Variants in AP2B1 observed in about 807,000 individuals in gnomAD.
AP2B1 encodes the protein adaptor related protein complex 2 subunit beta 1, also known as AP-2 complex subunit beta.
Under a neutral mutation model 102.0 loss-of-function variants are expected in AP2B1, and 23 were observed. That is an observed-to-expected ratio of 0.23 (90% CI 0.16 to 0.32). AP2B1 has a LOEUF of 0.32. AP2B1 is among the 10% of genes least tolerant of loss of function. AP2B1 has a pLI of 1.00. For synonymous variants in AP2B1, 381 were observed against 421.2 expected (o/e 0.90, Z 1.17); for missense variants, 541 against 1,157.4 (o/e 0.47, Z 7.73).
chr17:35,596,131 T>G (rs1227608116), intron 2 of AP2B1, among the ~76,000 whole-genome samples: 1 of 152,170 alleles, frequency 6.6e-6, no homozygotes, highest in African/African-American at 2.4e-5. Flanking sequence ...TTCTTTAAAT[T>G]TATGCTTTTG....
chr17:35,639,649 A>G lies in AP2B1; in HGVS notation c.1326A>G (p.Pro442=), dbSNP rs1213252376. 9.9e-6 allele frequency: 16 copies of G among 1,613,888 alleles called. No individual in the cohort carries two copies. Among genetic ancestry groups the G allele is most frequent in the South Asian group, 4.4e-5 (4 of 91,084 alleles). The change falls in exon 11 of 22, where the codon CCA becomes CCG. Residue 442 remains proline (P), a synonymous_variant. Transcript: ENST00000610402. The part of the protein sequence containing the change: ...LCENLDSLDE[P]DARAAMIWIV... ...AGAACTTAGACTCGCTGGATGAGCC[A>G]GATGCTCGAGCAGCTATGATTTGGA...
At chr17:35,602,596 A>G (rs1296390204) in intron 3 of AP2B1, among the ~76,000 whole-genome samples, 1 of 152,254 alleles carries the variant, frequency 6.6e-6, no homozygotes, top group Non-Finnish European at 1.5e-5. Flanking sequence ...TATCTAAAAT[A>G]TCCTTTCAGT....
chr17:35,595,419 C>G (rs1310123268), intron 2 of AP2B1, among the ~76,000 whole-genome samples: 1 of 151,950 alleles, frequency 6.6e-6, no homozygotes, highest in African/African-American at 2.4e-5. Flanking sequence ...CGGTGGTGCA[C>G]ACCTGTAGTC....
rs1568063028 is a variant in AP2B1, at chr17:35,720,548, TATA to T, written c.2782-3076_2782-3074del. Among the ~76,000 whole-genome samples, 121 of 46,350 alleles carry T rather than the reference TATA, an allele frequency of 2.6e-3. 2 individuals carry two copies. The highest frequency in any genetic ancestry group is 4.2e-3 in the South Asian group (4 of 960). 30.4% of individuals were successfully genotyped at this position (46,350 alleles called of 152,430 possible). A position where few individuals can be genotyped will look rare whatever the true frequency, so the allele number is the denominator to read the frequency against. On this transcript the variant is annotated intron_variant, in intron 21 of 21. Coordinates refer to ENST00000610402, the MANE Select transcript of AP2B1 (RefSeq NM_001030006.2). ...GTCCCATATATTTTTATTTTATTTA[TATA>T]TATATATATATATATATATATATTT...
Position 35,686,260 on chromosome 17 carries a change from C to T in AP2B1, c.2454+3436C>T, listed in dbSNP as rs587705120. Among the ~76,000 whole-genome samples, 11 of 152,272 alleles carry T rather than the reference C, an allele frequency of 7.2e-5. No individual in the cohort carries two copies. The East Asian group carries it at 2.1e-3, about 29-fold the overall frequency. ...GCCTTTCTTGAGTTTATTTATATCA[C>T]GTAATTATATTCCTTAAAAAGAGAA... On this transcript the variant is annotated intron_variant, in intron 18 of 21. Transcript: ENST00000610402.
At chr17:35,603,793 A>G (rs2073568221) in intron 3 of AP2B1, among the ~76,000 whole-genome samples, 3 of 152,210 alleles carry the variant, frequency 2.0e-5, no homozygotes, top group African/African-American at 7.2e-5. Context: ...GTAGATGGAT[A>G]TGAAGAATTA....
At chr17:35,624,321 A>G (rs988651328) in intron 5 of AP2B1, 76 bp from the exon 6 acceptor site, 1 of 1,354,176 alleles carries the variant, frequency 7.4e-7, no homozygotes, top group Non-Finnish European at 1.0e-6. Context: ...GAAATGACCC[A>G]GAGAAGGCTG....
intron 18 of AP2B1, among the ~76,000 whole-genome samples, chr17:35,688,406 C>T (rs1449480265): frequency 6.6e-6 from 1 of 152,160 alleles, no homozygotes; most frequent in Non-Finnish European, 1.5e-5. Context: ...ACTTTGTCCC[C>T]AGTGTTTTAA....
intron 14 of AP2B1, 112 bp downstream of exon 14, chr17:35,657,903 G>A (rs2075269332): frequency 5.5e-6 from 5 of 909,860 alleles, no homozygotes; most frequent in African/African-American, 1.7e-5. Context: ...GAGCAGTAGT[G>A]TCCTTTGATA....
chr17:35,703,302 CACTCG>C (rs201911700), intron 18 of AP2B1, among the ~76,000 whole-genome samples: 13,216 of 149,708 alleles, frequency 0.088, 644 homozygotes, highest in Middle Eastern at 0.14. Context: ...ATGGAAATAC[CACTCG>C]ACTCAGCAAT....
At chr17:35,607,051 A>G (rs1020538073) in intron 4 of AP2B1, among the ~76,000 whole-genome samples, 1 of 152,028 alleles carries the variant, frequency 6.6e-6, no homozygotes, top group African/African-American at 2.4e-5. Context: ...GATTACAGGC[A>G]TGCACCACCA....
intron 14 of AP2B1, among the ~76,000 whole-genome samples, chr17:35,658,436 AG>A (rs2075283628): frequency 6.6e-6 from 1 of 152,266 alleles, no homozygotes; most frequent in Admixed American, 6.5e-5. Flanking sequence ...TCCAAAGTCC[AG>A]AATACCTGCG....
At chr17:35,644,808 C>T (rs1317136659) in intron 12 of AP2B1, among the ~76,000 whole-genome samples, 2 of 152,064 alleles carry the variant, frequency 1.3e-5, no homozygotes, top group African/African-American at 2.4e-5. Context: ...CCAAGGCGGG[C>T]GGATCACTTG....
chr17:35,625,406 T>C (rs971995118), intron 6 of AP2B1, among the ~76,000 whole-genome samples: 1 of 152,210 alleles, frequency 6.6e-6, no homozygotes, highest in African/African-American at 2.4e-5. Context: ...CTCACTCTGA[T>C]AGTTTCTTTC....
chr17:35,631,304 CTTAA>C (rs1273536796), intron 9 of AP2B1, among the ~76,000 whole-genome samples: 11 of 152,028 alleles, frequency 7.2e-5, no homozygotes, highest in African/African-American at 2.7e-4. Context: ...TGTGTCATTT[CTTAA>C]AGACAAAAAA....
At chr17:35,613,501 A>G (rs1284846374) in intron 5 of AP2B1, among the ~76,000 whole-genome samples, 4 of 152,142 alleles carry the variant, frequency 2.6e-5, no homozygotes, top group Non-Finnish European at 5.9e-5. Context: ...ATGAAATACT[A>G]GTTAAGAGAG....
At chr17:35,706,939 A>T (rs1413974358) in intron 18 of AP2B1, among the ~76,000 whole-genome samples, 1 of 152,032 alleles carries the variant, frequency 6.6e-6, no homozygotes, top group Non-Finnish European at 1.5e-5. Flanking sequence ...GGCATGAGCC[A>T]CCACACCCGG....
At chr17:35,717,503 A>G (rs140126024) in intron 21 of AP2B1, among the ~76,000 whole-genome samples, 154 bp downstream of exon 21, 12 of 152,340 alleles carry the variant, frequency 7.9e-5, no homozygotes, top group East Asian at 5.8e-4. Flanking sequence ...ATTTGCCTCA[A>G]TGGAAGACCT....
chr17:35,646,421 C>T (rs527874485), intron 12 of AP2B1, among the ~76,000 whole-genome samples: 9 of 152,098 alleles, frequency 5.9e-5, no homozygotes, highest in Non-Finnish European at 1.5e-5. Context: ...CTACTCCTGA[C>T]TTTTCAGCCT....
Sources: allele counts gnomAD v4.1 joint callset (sites outside exome capture counted in the v4.1 genomes callset), GRCh38; gene constraint gnomAD v4.1.1; transcripts MANE v1.5; gene names NCBI Gene and HGNC (gene_info 2026-07-23, HGNC 2026-07-21).